PARG: variants seen among roughly 807,000 people sequenced by gnomAD.
PARG encodes mitochondrial poly(ADP-ribose) glycohydrolase.
PARG carries 35 observed loss-of-function variants against 113.0 expected under a neutral mutation model. The ratio of observed to expected loss-of-function variants is 0.31; its 90% CI spans 0.24 to 0.41. PARG has a LOEUF of 0.41. Ranked by LOEUF, PARG falls within the 10% of genes least tolerant of loss-of-function variation. The pLI, the probability that PARG is intolerant of heterozygous loss-of-function variation, is 1.00. For synonymous variants in PARG, 330 were observed against 409.9 expected (o/e 0.81, Z 2.36); for missense variants, 797 against 1,169.4 (o/e 0.68, Z 4.64).
At chr10:49,831,597 C>T (rs534347570) in intron 16 of PARG, among the ~76,000 whole-genome samples, 1 of 152,088 alleles carries the variant, frequency 6.6e-6, no homozygotes, top group African/African-American at 2.4e-5. Flanking sequence ...TTTAATCAAT[C>T]ATGCCTACAG....
chr10:49,898,642 C>CAT (rs1390528783), intron 7 of PARG, among the ~76,000 whole-genome samples: 4 of 152,076 alleles, frequency 2.6e-5, no homozygotes, highest in South Asian at 2.1e-4. Flanking sequence ...TCATTCAGCA[C>CAT]ATATATATAA....
chr10:49,820,563 A>C (rs991536018), intron 16 of PARG, among the ~76,000 whole-genome samples: 2 of 151,012 alleles, frequency 1.3e-5, no homozygotes, highest in African/African-American at 4.9e-5. Context: ...TAAAAATACA[A>C]AAAAAAAATT....
intron 16 of PARG, 35 bp downstream of exon 16, chr10:49,832,768 G>T: frequency 1.6e-6 from 2 of 1,233,342 alleles, no homozygotes; most frequent in Non-Finnish European, 2.3e-6. Flanking sequence ...TTTTGTGTGG[G>T]CAGAATGCTT....
chr10:49,923,602 T>C (rs1838001420), intron 4 of PARG, among the ~76,000 whole-genome samples: 1 of 151,986 alleles, frequency 6.6e-6, no homozygotes, highest in South Asian at 2.1e-4. Flanking sequence ...CCTCAAGTGA[T>C]GCACAGGGAG....
intron 15 of PARG, among the ~76,000 whole-genome samples, chr10:49,841,064 C>T (rs554793594): frequency 8.5e-4 from 129 of 152,200 alleles, no homozygotes; most frequent in Non-Finnish European, 1.5e-3. Context: ...ACCAGCCTGG[C>T]CAACATGGTG....
intron 16 of PARG, among the ~76,000 whole-genome samples, chr10:49,825,240 C>T (rs1564592311): frequency 6.6e-6 from 1 of 152,124 alleles, no homozygotes; most frequent in Non-Finnish European, 1.5e-5. Context: ...CCTCCTTTTC[C>T]ACTATGGATG....
intron 14 of PARG, among the ~76,000 whole-genome samples, chr10:49,842,368 A>T (rs1478922792): frequency 6.6e-6 from 1 of 152,230 alleles, no homozygotes; most frequent in Non-Finnish European, 1.5e-5. Flanking sequence ...GGCAAACAAA[A>T]GGAATCTAGT....
intron 15 of PARG, among the ~76,000 whole-genome samples, chr10:49,838,019 G>C (rs1385980603): frequency 1.3e-5 from 2 of 152,208 alleles, no homozygotes; most frequent in African/African-American, 4.8e-5. Context: ...TCAGGCATAA[G>C]CATGTAGGAG....
At position 49,885,223 on chromosome 10, in the gene PARG, G is replaced by C; in HGVS notation, c.1810C>G (p.Leu604Val). 1 of 1,593,634 alleles carries C rather than the reference G, an allele frequency of 6.3e-7. No homozygotes were observed. Among genetic ancestry groups the C allele is most frequent in the Admixed American group, 1.7e-5 (1 of 59,974 alleles). ...LPDMVKIALC[L>V]PNICTQPIPL... ...CTAACCTGGGTGCAAATATTTGGCA[G>C]ACAGAGTGCAATTTTCACCATATCA... Residue 604 changes from leucine (L) to valine (V), a missense_variant, in exon 8 of 18, where the codon CTG becomes GTG. Around this residue, in one of 5 missense-constraint regions of PARG, gnomAD observed 252 missense variants for 437.4 expected, o/e 0.58. Transcript: ENST00000616448.
intron 13 of PARG, among the ~76,000 whole-genome samples, chr10:49,850,474 A>G (rs549129738): frequency 3.5e-4 from 54 of 152,348 alleles, no homozygotes; most frequent in Admixed American, 9.8e-4. Flanking sequence ...TAATTTTTTT[A>G]AGGGGGTAGA....
chr10:49,824,168 T>G (rs1271940477), intron 16 of PARG, among the ~76,000 whole-genome samples: 2 of 152,240 alleles, frequency 1.3e-5, no homozygotes, highest in Non-Finnish European at 2.9e-5. Flanking sequence ...CATTGAATGC[T>G]AGACTATACA....
intron 4 of PARG, among the ~76,000 whole-genome samples, chr10:49,924,274 C>T (rs1838042740): frequency 6.6e-6 from 1 of 151,190 alleles, no homozygotes; most frequent in Non-Finnish European, 1.5e-5. Context: ...TTGTGTCTGG[C>T]CTTTTTCACT....
chr10:49,903,491 C>A (rs1848434804), intron 7 of PARG, among the ~76,000 whole-genome samples: 1 of 151,828 alleles, frequency 6.6e-6, no homozygotes, highest in Non-Finnish European at 1.5e-5. Flanking sequence ...GAAACATTAA[C>A]TGTGCATTAG....
At chr10:49,852,994 C>G (rs1367853497) in intron 13 of PARG, among the ~76,000 whole-genome samples, 1 of 150,650 alleles carries the variant, frequency 6.6e-6, no homozygotes, top group Non-Finnish European at 1.5e-5. Flanking sequence ...ATTTTGTTCT[C>G]AGTGTTCAAT....
At chr10:49,843,118 C>G (rs1845327345) in intron 14 of PARG, among the ~76,000 whole-genome samples, 1 of 152,218 alleles carries the variant, frequency 6.6e-6, no homozygotes, top group Non-Finnish European at 1.5e-5. Context: ...GTTCTGCCAT[C>G]AACTGGTTTG....
At chr10:49,868,700 C>G (rs1286693261) in intron 10 of PARG, among the ~76,000 whole-genome samples, 1 of 152,134 alleles carries the variant, frequency 6.6e-6, no homozygotes, top group Non-Finnish European at 1.5e-5. Flanking sequence ...TTGAGGTGTT[C>G]TGGTTTACAT....
chr10:49,828,438 A>G (rs1225967901), intron 16 of PARG, among the ~76,000 whole-genome samples: 1 of 152,186 alleles, frequency 6.6e-6, no homozygotes, highest in African/African-American at 2.4e-5. Flanking sequence ...AAGCTTTCAC[A>G]TGAGTTCCAC....
chr10:49,822,453 A>C (rs1306129102), intron 16 of PARG, among the ~76,000 whole-genome samples: 4 of 152,198 alleles, frequency 2.6e-5, no homozygotes, highest in Non-Finnish European at 5.9e-5. Context: ...TTGTTATACC[A>C]GAAGGTAAAG....
At chr10:49,888,641 A>G (rs1847615030) in intron 7 of PARG, among the ~76,000 whole-genome samples, 1 of 152,162 alleles carries the variant, frequency 6.6e-6, no homozygotes, top group Non-Finnish European at 1.5e-5. Context: ...TGATGCTTTC[A>G]AGATTTTTTC....
Sources: gnomAD v4.1 joint callset for allele counts (sites outside exome capture counted in the v4.1 genomes callset) on GRCh38, gnomAD v4.1.1 for gene constraint, gnomAD v4.1.1 regional missense constraint, MANE v1.5 for transcripts, NCBI Gene and HGNC (gene_info 2026-07-23, HGNC 2026-07-21) for gene names.